The following GABBR2 variants were observed in gnomAD, a reference collection of about 807,000 sequenced individuals.
The protein encoded by GABBR2 is G-protein coupled receptor 51.
Under a neutral mutation model 105.6 loss-of-function variants are expected in GABBR2, and 23 were observed. The ratio of observed to expected loss-of-function variants is 0.22; its 90% confidence interval spans 0.16 to 0.31. The LOEUF (loss-of-function observed/expected upper bound fraction) is 0.31. GABBR2 is among the 10% of genes least tolerant of loss of function. GABBR2 has a pLI of 1.00. For synonymous variants in GABBR2, 478 were observed against 499.7 expected (o/e 0.96, Z 0.58); for missense variants, 734 against 1,245.5 (o/e 0.59, Z 6.18).
intron 4 of GABBR2, among the ~76,000 whole-genome samples, chr9:98,494,544 G>A (rs1412772330): frequency 3.9e-5 from 6 of 152,132 alleles, no homozygotes; most frequent in African/African-American, 9.7e-5. Context: ...CCATGACATT[G>A]CCCAGACCTG....
chr9:98,707,520 G>A (rs1401411907), intron 1 of GABBR2: 2 of 152,524 alleles, frequency 1.3e-5, no homozygotes, highest in African/African-American at 4.8e-5. Flanking sequence ...CCGCTCTGGG[G>A]CTTCAGGCAG....
intron 1 of GABBR2, among the ~76,000 whole-genome samples, chr9:98,686,252 C>G (rs1453365626): frequency 6.6e-6 from 1 of 152,118 alleles, no homozygotes; most frequent in Admixed American, 6.5e-5. Context: ...GACATTTCCT[C>G]ATAATAATTT....
intron 1 of GABBR2, among the ~76,000 whole-genome samples, chr9:98,680,816 G>C (rs1479633841): frequency 6.6e-6 from 1 of 152,154 alleles, no homozygotes; most frequent in Non-Finnish European, 1.5e-5. Context: ...CTATGGAATA[G>C]AAGTTCAGAA....
intron 7 of GABBR2, among the ~76,000 whole-genome samples, chr9:98,439,131 C>T (rs1825985504): frequency 6.6e-6 from 1 of 152,138 alleles, no homozygotes. Flanking sequence ...GTGCTTATCT[C>T]GCTACCTTAA....
In GABBR2 at chr9:98,512,540, C is replaced by A. The variant is rs201468601; in HGVS notation, c.631-16026G>T. Among the ~76,000 whole-genome samples, 111 of 152,088 alleles carry A rather than the reference C, an allele frequency of 7.3e-4. 1 individual carries two copies. Among genetic ancestry groups the A allele is most frequent in the Non-Finnish European group, 1.2e-3 (82 of 67,962 alleles). On this transcript the variant is annotated intron_variant, in intron 3 of 18. Coordinates refer to ENST00000259455, the MANE Select transcript of GABBR2 (RefSeq NM_005458.8). ...TCTCAGCCCAAAATCTCAAGCTGAT[C>A]AGCAACTTCAGCAAAGTCTCAGGAT... is the stretch of plus-strand genomic sequence containing the variant.
intron 4 of GABBR2, among the ~76,000 whole-genome samples, chr9:98,487,856 A>C (rs916524866): frequency 1.3e-4 from 20 of 152,220 alleles, no homozygotes; most frequent in Admixed American, 1.2e-3. Context: ...GGTAAAGGGA[A>C]AATTCACATT....
chr9:98,305,127 C>A (rs898930059), intron 15 of GABBR2, among the ~76,000 whole-genome samples: 3 of 152,074 alleles, frequency 2.0e-5, no homozygotes, highest in African/African-American at 7.2e-5. Flanking sequence ...ACACAGATCA[C>A]CCTACTGCAG....
intron 1 of GABBR2, among the ~76,000 whole-genome samples, chr9:98,642,598 C>T (rs1009061267): frequency 2.6e-5 from 4 of 152,224 alleles, no homozygotes; most frequent in Admixed American, 2.0e-4. Context: ...TTCCCTCTAG[C>T]CCAGTGTTTT....
At chr9:98,648,254 C>T (rs183659569) in intron 1 of GABBR2, among the ~76,000 whole-genome samples, 2 of 152,156 alleles carry the variant, frequency 1.3e-5, no homozygotes, top group African/African-American at 4.8e-5. Flanking sequence ...ACCTCAGCCT[C>T]CTGAGTAGCT....
At chr9:98,497,624 G>A (rs370221671) in intron 3 of GABBR2, among the ~76,000 whole-genome samples, 4 of 152,114 alleles carry the variant, frequency 2.6e-5, no homozygotes, top group Non-Finnish European at 4.4e-5. Flanking sequence ...TCAATCTCTC[G>A]TGTGATTCTT....
chr9:98,692,085 C>G (rs1830688922), intron 1 of GABBR2, among the ~76,000 whole-genome samples: 1 of 152,190 alleles, frequency 6.6e-6, no homozygotes, highest in African/African-American at 2.4e-5. Context: ...GAGAAGAACA[C>G]TGAGGCACAG....
At chr9:98,632,881 T>G (rs1021826522) in intron 1 of GABBR2, among the ~76,000 whole-genome samples, 2 of 152,232 alleles carry the variant, frequency 1.3e-5, no homozygotes, top group Admixed American at 1.3e-4. Context: ...TAGGTTTCAT[T>G]CGTTCACTCA....
chr9:98,355,481 A>G (rs2131431581), intron 13 of GABBR2, among the ~76,000 whole-genome samples: 1 of 152,382 alleles, frequency 6.6e-6, no homozygotes, highest in Admixed American at 6.5e-5. Context: ...TTACATTAGC[A>G]CCCAAATGAA....
At chr9:98,371,151 A>C (rs1256548795) in intron 12 of GABBR2, among the ~76,000 whole-genome samples, 1 of 151,928 alleles carries the variant, frequency 6.6e-6, no homozygotes, top group African/African-American at 2.4e-5. Context: ...CAGCATCCCT[A>C]TGCCCTTGGC....
intron 3 of GABBR2, among the ~76,000 whole-genome samples, chr9:98,508,175 C>A (rs888083826): frequency 2.0e-5 from 3 of 152,296 alleles, no homozygotes. Context: ...TATAGGAAAT[C>A]AGCAATATGC....
chr9:98,532,760 G>A (rs1212582281), intron 3 of GABBR2, among the ~76,000 whole-genome samples: 3 of 152,070 alleles, frequency 2.0e-5, no homozygotes, highest in Non-Finnish European at 2.9e-5. Flanking sequence ...GCTGGTCCAG[G>A]GACCACACTT....
intron 2 of GABBR2, among the ~76,000 whole-genome samples, chr9:98,554,415 A>G (rs148718689): frequency 8.5e-4 from 129 of 152,282 alleles, no homozygotes; most frequent in Middle Eastern, 6.8e-3. Context: ...TAAAAGAAAA[A>G]ACAATAATAC....
intron 13 of GABBR2, among the ~76,000 whole-genome samples, chr9:98,334,205 A>G (rs1418827981): frequency 6.6e-6 from 1 of 152,252 alleles, no homozygotes; most frequent in Non-Finnish European, 1.5e-5. Context: ...ATGAACCATC[A>G]ACCAGATAAT....
chr9:98,541,785 T>A, intron 3 of GABBR2, 88 bp downstream of exon 3: 1 of 1,192,462 alleles, frequency 8.4e-7, no homozygotes, highest in Non-Finnish European at 1.2e-6. Context: ...CCTGTGACAG[T>A]ACCCATCCCT....
Sources: allele counts gnomAD v4.1 joint callset (sites outside exome capture counted in the v4.1 genomes callset), GRCh38; gene constraint gnomAD v4.1.1; transcripts MANE v1.5; gene names NCBI Gene and HGNC (gene_info 2026-07-23, HGNC 2026-07-21).